The following AFG2A variants were observed in gnomAD, a reference collection of about 807,000 sequenced individuals.
AFG2A encodes AAA ATPase AFG2A.
the AFG2A span, among the ~76,000 whole-genome samples, chr4:123,165,691 T>G: frequency 6.6e-6 from 1 of 152,170 alleles, no homozygotes; most frequent in Non-Finnish European, 1.5e-5. Context: ...TAAATTCGGA[T>G]GATTTCTCAT....
the AFG2A span, among the ~76,000 whole-genome samples, chr4:123,159,257 ATAT>A: frequency 0.085 from 12,964 of 152,174 alleles, 743 homozygotes; most frequent in Middle Eastern, 0.19. Flanking sequence ...TTTTAATCTG[ATAT>A]TATGATGCTT....
At chr4:122,962,343 C>T in the AFG2A span, among the ~76,000 whole-genome samples, 181 of 152,004 alleles carry the variant, frequency 1.2e-3, no homozygotes, top group Non-Finnish European at 2.2e-3. Flanking sequence ...TTTCATAAGG[C>T]AATGAATTTT....
chr4:122,947,512 GTC>G, the AFG2A span: 1 of 1,553,328 alleles, frequency 6.4e-7, no homozygotes, highest in Non-Finnish European at 8.7e-7. Flanking sequence ...GCTATGGTGA[GTC>G]TCTATTGATG....
chr4:123,100,018 C>A, the AFG2A span, among the ~76,000 whole-genome samples: 3 of 151,636 alleles, frequency 2.0e-5, no homozygotes, highest in Non-Finnish European at 3.0e-5. Context: ...GAAAGTAATA[C>A]CATAATAAAA....
chr4:123,159,687 G>T, the AFG2A span, among the ~76,000 whole-genome samples: 143 of 152,226 alleles, frequency 9.4e-4, no homozygotes, highest in African/African-American at 3.4e-3. Flanking sequence ...TAACTGGAAG[G>T]CTGCAGGACC....
At chr4:123,086,705 T>A in the AFG2A span, among the ~76,000 whole-genome samples, 12 of 151,396 alleles carry the variant, frequency 7.9e-5, no homozygotes, top group East Asian at 5.8e-4. Flanking sequence ...ATTTTTTTTT[T>A]AAATCTAGTC....
chr4:122,980,010 A>T, the AFG2A span, among the ~76,000 whole-genome samples: 967 of 152,328 alleles, frequency 6.3e-3, 11 homozygotes, highest in African/African-American at 0.021. Flanking sequence ...ACTTGTGTGT[A>T]TGTGTTTATT....
the AFG2A span, among the ~76,000 whole-genome samples, chr4:122,923,490 TGGA>T: frequency 6.6e-6 from 1 of 152,196 alleles, no homozygotes; most frequent in Non-Finnish European, 1.5e-5. Context: ...GCGCCTGCAC[TGGA>T]GAAGTTAGGC....
chr4:123,075,977 AAAAAAAAAAAC>A, the AFG2A span, among the ~76,000 whole-genome samples: 1 of 14,130 alleles, frequency 7.1e-5, no homozygotes, highest in Non-Finnish European at 2.1e-4. Flanking sequence ...CAACAACAAC[AAAAAAAAAAAC>A]AAAAAAAAAA....
the AFG2A span, among the ~76,000 whole-genome samples, chr4:123,294,521 A>G: frequency 2.6e-5 from 4 of 152,182 alleles, no homozygotes; most frequent in African/African-American, 9.7e-5. Context: ...AATCAACATC[A>G]AAACCAGGAG....
chr4:123,194,251 A>G, the AFG2A span, among the ~76,000 whole-genome samples: 3 of 152,238 alleles, frequency 2.0e-5, no homozygotes, highest in Non-Finnish European at 4.4e-5. Context: ...TCCCTGGGCC[A>G]TGCTGGAAGA....
chr4:123,090,462 A>G, the AFG2A span: 90 of 1,181,086 alleles, frequency 7.6e-5, no homozygotes, highest in Middle Eastern at 5.3e-4. Flanking sequence ...TGCATACTTC[A>G]TATTTGAAAA....
chr4:123,158,932 A>G, the AFG2A span, among the ~76,000 whole-genome samples: 17 of 152,212 alleles, frequency 1.1e-4, no homozygotes, highest in African/African-American at 4.1e-4. Context: ...GGTGATCTTA[A>G]TCTAAAATAT....
At chr4:123,064,081 A>G in the AFG2A span, among the ~76,000 whole-genome samples, 2 of 152,142 alleles carry the variant, frequency 1.3e-5, no homozygotes, top group South Asian at 2.1e-4. Context: ...TGTTTAATAG[A>G]TTCTTTGGGA....
chr4:122,956,166 A>G, the AFG2A span, among the ~76,000 whole-genome samples: 2 of 152,264 alleles, frequency 1.3e-5, no homozygotes, highest in Non-Finnish European at 1.5e-5. Context: ...ATATAATGAT[A>G]AACTACTCAT....
the AFG2A span, among the ~76,000 whole-genome samples, chr4:123,266,389 A>G: frequency 2.0e-5 from 3 of 151,990 alleles, no homozygotes; most frequent in African/African-American, 4.8e-5. Flanking sequence ...TAGTAAGCAT[A>G]TAACAAGTGC....
At chr4:123,248,077 A>C in the AFG2A span, among the ~76,000 whole-genome samples, 11 of 145,300 alleles carry the variant, frequency 7.6e-5, no homozygotes, top group African/African-American at 3.0e-4. Flanking sequence ...TGCACACAAA[A>C]AAAAAATTGT....
chr4:123,277,478 G>A, the AFG2A span, among the ~76,000 whole-genome samples: 8 of 152,116 alleles, frequency 5.3e-5, no homozygotes, highest in Non-Finnish European at 1.2e-4. Flanking sequence ...TCTTCCTCCT[G>A]CCTGATTTCT....
chr4:123,184,877 C>T, the AFG2A span, among the ~76,000 whole-genome samples: 2 of 152,276 alleles, frequency 1.3e-5, no homozygotes, highest in South Asian at 4.1e-4. Context: ...CAGTGAAAAG[C>T]CATTAGTAAG....
Sources: allele counts gnomAD v4.1 joint callset (sites outside exome capture counted in the v4.1 genomes callset), GRCh38; gene constraint gnomAD v4.1.1; transcripts MANE v1.5; gene names NCBI Gene and HGNC (gene_info 2026-07-23, HGNC 2026-07-21).